AVL9: variants seen among roughly 807,000 people sequenced by gnomAD.
AVL9 encodes AVL9 cell migration associated.
In AVL9, 49 loss-of-function variants were observed where a neutral mutation model predicts 79.2. The ratio of observed to expected loss-of-function variants is 0.62; its 90% CI spans 0.49 to 0.79. The LOEUF is 0.79. Ranked by LOEUF, AVL9 falls within the 30% of genes least tolerant of loss-of-function variation. AVL9 has a pLI of 0.00. For synonymous variants in AVL9, 299 were observed against 280.6 expected (o/e 1.07, Z -0.65); for missense variants, 682 against 776.8 (o/e 0.88, Z 1.45).
intron 1 of AVL9, among the ~76,000 whole-genome samples, chr7:32,505,334 G>T (rs1430299946): frequency 6.7e-6 from 1 of 150,092 alleles, no homozygotes; most frequent in African/African-American, 2.4e-5. Flanking sequence ...GACCAGCCTG[G>T]CCAACATGGT....
intron 1 of AVL9, among the ~76,000 whole-genome samples, chr7:32,502,392 C>CAAAAAAAAAAAAAAAAAAAAAA (rs70992721): frequency 8.7e-6 from 1 of 114,400 alleles, no homozygotes; most frequent in African/African-American, 3.3e-5. Context: ...AACCCTTTCT[C>CAAAAAAAAAAAAAAAAAAAAAA]AAAAAAAAAA....
At chr7:32,554,499 A>T in intron 7 of AVL9, 59 bp from the exon 8 acceptor site, 1 of 1,125,028 alleles carries the variant, frequency 8.9e-7, no homozygotes, top group Non-Finnish European at 1.3e-6. Context: ...GGAGGGGAAA[A>T]GATGAATTAT....
At chr7:32,567,821 G>A (rs530694633) in intron 10 of AVL9, among the ~76,000 whole-genome samples, 9 of 151,690 alleles carry the variant, frequency 5.9e-5, no homozygotes, top group South Asian at 2.1e-4. Context: ...CTTTTCAAGC[G>A]ATTCTCCTGC....
chr7:32,545,509 C>T (rs959469529), intron 3 of AVL9, among the ~76,000 whole-genome samples: 2 of 150,966 alleles, frequency 1.3e-5, no homozygotes. Context: ...AGCTGGGATA[C>T]AGGTGTGTGC....
chr7:32,576,647 G>A (rs557467042), intron 13 of AVL9, among the ~76,000 whole-genome samples: 31 of 152,244 alleles, frequency 2.0e-4, no homozygotes, highest in Admixed American at 4.6e-4. Context: ...TTAGCCAGAC[G>A]TGGTAGTGGG....
At chr7:32,566,319 G>A (rs151306264) in intron 10 of AVL9, among the ~76,000 whole-genome samples, 185 of 148,950 alleles carry the variant, frequency 1.2e-3, no homozygotes, top group African/African-American at 4.3e-3. Context: ...TGGGACTACA[G>A]GCACCTGCCA....
chr7:32,544,752 C>G lies in AVL9; in HGVS notation c.273C>G (p.Ile91Met). Residue 91 changes from isoleucine (I) to methionine (M), a missense_variant, in exon 3 of 16, where the codon ATC (isoleucine) becomes ATG (methionine). Transcript: ENST00000318709. Reference protein sequence around the residue: ...RNGNGATVFGISCYRQIEAKA... With the variant: ...RNGNGATVFGMSCYRQIEAKA... The stretch of plus-strand genomic sequence containing the variant: ...GAAATGGAGCCACAGTATTTGGTAT[C>G]TCTTGCTATCGACAAATTGAAGCCA... 6.2e-7 allele frequency: 1 copy of G among 1,613,736 alleles called. No individual in the cohort carries two copies. Among genetic ancestry groups the G allele is most frequent in the South Asian group, 1.1e-5 (1 of 91,034 alleles).
At chr7:32,548,367 C>T (rs940189394) in intron 3 of AVL9, among the ~76,000 whole-genome samples, 1 of 151,976 alleles carries the variant, frequency 6.6e-6, no homozygotes, top group Admixed American at 6.6e-5. Context: ...AGGCTGGTCT[C>T]AAACTCCTGG....
At position 32,495,761 on chromosome 7, in the gene AVL9, C is replaced by T; in HGVS notation, c.52C>T (p.His18Tyr). ...TGGCGTCCCCCGGGGGCCCGTACTG[C>T]ACATCGTGGTGGTCGGATTTCACCA... ...GDGVPRGPVLHIVVVGFHHKK... is the reference protein window; with the variant it reads ...GDGVPRGPVLYIVVVGFHHKK... The change falls in exon 1 of 16, where the codon CAC (histidine) becomes TAC (tyrosine). Residue 18 changes from histidine to tyrosine, a missense_variant. His to Tyr is a moderately conservative substitution (Grantham distance 83, BLOSUM62 2). Transcript: ENST00000318709. 1 of 1,260,382 alleles carries T rather than the reference C, an allele frequency of 7.9e-7. No individual in the cohort carries two copies. Among genetic ancestry groups the T allele is most frequent in the African/African-American group, 1.5e-5 (1 of 64,666 alleles). The allele number at this position is 1,260,382 out of a possible 1,614,324, so 78.1% of individuals were successfully genotyped here.
chr7:32,524,839 A>G (rs1037701802), intron 1 of AVL9, among the ~76,000 whole-genome samples: 3 of 152,146 alleles, frequency 2.0e-5, no homozygotes, highest in African/African-American at 4.8e-5. Flanking sequence ...GAGAATTTCC[A>G]CTTGAGGGGC....
chr7:32,580,618 C>T, intron 14 of AVL9, 184 bp from the exon 15 acceptor site: 1 of 583,590 alleles, frequency 1.7e-6, no homozygotes, highest in Non-Finnish European at 3.0e-6. Flanking sequence ...TCTGAAAATG[C>T]ACATGCTTAA....
In AVL9 at chr7:32,583,902, C is replaced by T. The variant is rs1791641417; in HGVS notation, c.1942C>T (p.Pro648Ser). ...QSLTEPPDEK[P>S] Reference sequence around the variant, plus strand: ...TCTCACTGAGCCACCAGATGAGAAGCCTTGAGCAAGGCGTCAGAGGCTGCT... The same window carrying T: ...TCTCACTGAGCCACCAGATGAGAAGTCTTGAGCAAGGCGTCAGAGGCTGCT... Residue 648 changes from proline to serine, a missense_variant, in exon 16 of 16, where the codon CCT becomes TCT. Pro to Ser is a moderately conservative substitution (Grantham distance 74). Transcript: ENST00000318709. 14 of 1,612,308 alleles carry T rather than the reference C, an allele frequency of 8.7e-6. No individual in the cohort carries two copies. In the South Asian group the frequency reaches 1.5e-4, roughly 18 times the overall value.
At chr7:32,503,345 G>GAT (rs1562749405) in intron 1 of AVL9, among the ~76,000 whole-genome samples, 8 of 77,628 alleles carry the variant, frequency 1.0e-4, no homozygotes, top group South Asian at 4.1e-4. Context: ...TATATATATA[G>GAT]ATATAGATAT....
intron 1 of AVL9, among the ~76,000 whole-genome samples, chr7:32,514,997 C>T (rs1192367752): frequency 2.0e-5 from 3 of 152,180 alleles, no homozygotes; most frequent in African/African-American, 7.2e-5. Context: ...AACAGCATCT[C>T]AAAGCAGAAC....
intron 1 of AVL9, among the ~76,000 whole-genome samples, chr7:32,507,973 G>A (rs12112267): frequency 2.2e-4 from 33 of 152,190 alleles, no homozygotes; most frequent in Non-Finnish European, 4.7e-4. Flanking sequence ...TTTTTGATTT[G>A]TTATGAGGCT....
chr7:32,557,610 A>G (rs1360864621), intron 8 of AVL9, among the ~76,000 whole-genome samples: 1 of 152,176 alleles, frequency 6.6e-6, no homozygotes, highest in Non-Finnish European at 1.5e-5. Context: ...CTGTCAGGAC[A>G]TGATATCAGG....
intron 1 of AVL9, among the ~76,000 whole-genome samples, chr7:32,515,211 G>A (rs975796750): frequency 1.1e-4 from 16 of 152,180 alleles, no homozygotes; most frequent in Admixed American, 4.6e-4. Context: ...CTTTAACCTC[G>A]GCAAAATAAA....
chr7:32,530,202 A>G (rs1008607418), intron 1 of AVL9, among the ~76,000 whole-genome samples: 1 of 152,208 alleles, frequency 6.6e-6, no homozygotes, highest in South Asian at 2.1e-4. Flanking sequence ...AACTTAGGGT[A>G]ATATAAGAGT....
At chr7:32,552,820 G>GT (rs1259759404) in intron 6 of AVL9, among the ~76,000 whole-genome samples, 3 of 152,022 alleles carry the variant, frequency 2.0e-5, no homozygotes, top group Non-Finnish European at 4.4e-5. Flanking sequence ...GTTTTTTATT[G>GT]TTTTTTCTTT....
Sources: gnomAD v4.1 joint callset for allele counts (sites outside exome capture counted in the v4.1 genomes callset) on GRCh38, gnomAD v4.1.1 for gene constraint, MANE v1.5 for transcripts, NCBI Gene and HGNC (gene_info 2026-07-23, HGNC 2026-07-21) for gene names.